PLSCR4: variants seen among roughly 807,000 people sequenced by gnomAD.
PLSCR4 encodes Ca(2+)-dependent phospholipid scramblase 4.
PLSCR4 carries 25 observed loss-of-function variants against 36.3 expected under a neutral mutation model. The ratio of observed to expected loss-of-function variants is 0.69; its 90% CI spans 0.50 to 0.96. The LOEUF is 0.96. Ranked by LOEUF, PLSCR4 falls within the 40% of genes least tolerant of loss-of-function variation. PLSCR4 has a pLI of 0.00. For missense variants in PLSCR4, 408 were observed against 414.7 expected (o/e 0.98, Z 0.14); for synonymous variants, 122 against 132.9 (o/e 0.92, Z 0.56).
At chr3:146,227,886 T>C (rs1441439567) in intron 1 of PLSCR4, among the ~76,000 whole-genome samples, 1 of 152,264 alleles carries the variant, frequency 6.6e-6, no homozygotes, top group African/African-American at 2.4e-5. Context: ...TTGTGTTTAT[T>C]ATGTAACTGA....
chr3:146,196,451 G>T, intron 7 of PLSCR4, 181 bp downstream of exon 7: 2 of 571,086 alleles, frequency 3.5e-6, no homozygotes, highest in Non-Finnish European at 3.1e-6. Context: ...CTTTCATTTT[G>T]GAAAACCTCA....
chr3:146,202,668 T>C (rs1417552010), intron 4 of PLSCR4, among the ~76,000 whole-genome samples: 1 of 152,058 alleles, frequency 6.6e-6, no homozygotes, highest in Non-Finnish European at 1.5e-5. Context: ...GATTTCCTTG[T>C]AGCACATGAT....
chr3:146,194,405 GTC>G lies in PLSCR4; in HGVS notation c.*4_*5del, dbSNP rs773300125. The G allele has an allele frequency of 6.2e-7, 1 of 1,603,364 alleles. No individual in the cohort carries two copies. The highest frequency in any genetic ancestry group is 8.5e-7 in the Non-Finnish European group (1 of 1,170,622). On this transcript the variant is annotated 3_prime_UTR_variant, in exon 9 of 9. Coordinates refer to ENST00000354952, the MANE Select transcript of PLSCR4 (RefSeq NM_020353.3). The stretch of plus-strand genomic sequence containing the variant: ...TTAACCATAGTTGATGGCTTGCTGT[GTC>G]TCTCTATCTTGAACGTTGTGGTGGA...
intron 1 of PLSCR4, among the ~76,000 whole-genome samples, chr3:146,237,037 TA>T (rs1559926171): frequency 6.6e-6 from 1 of 150,812 alleles, no homozygotes; most frequent in Middle Eastern, 3.4e-3. Flanking sequence ...CAGAATGGAT[TA>T]AAAAAAGAAA....
chr3:146,224,270 CAAT>C (rs2035328195), intron 1 of PLSCR4, among the ~76,000 whole-genome samples: 2 of 152,142 alleles, frequency 1.3e-5, no homozygotes, highest in African/African-American at 4.8e-5. Context: ...TCACATGATA[CAAT>C]AATATCCTGT....
chr3:146,195,130 GAAGC>G lies in PLSCR4; in HGVS notation c.935_938del (p.Cys312SerfsTer28). The G allele has an allele frequency of 6.2e-7, 1 of 1,613,604 alleles. No individual in the cohort carries two copies. Among genetic ancestry groups the G allele is most frequent in the South Asian group, 1.1e-5 (1 of 91,054 alleles). ...TCAAAAATAGAAGGCTTACAATGAG[GAAGC>G]AAGCTCCAAAAATCATGGCTTTCAT... On this transcript the variant is annotated frameshift_variant, in exon 8 of 9. Transcript: ENST00000354952. LOFTEE classifies it high-confidence loss of function.
At position 146,193,775 on chromosome 3, in the gene PLSCR4, T is replaced by C. The variant is rs1485367644; in HGVS notation, c.*636A>G. The C allele has an allele frequency of 6.6e-6, 1 of 152,184 alleles. No individual in the cohort carries two copies. The highest frequency in any genetic ancestry group is 1.5e-5 in the Non-Finnish European group (1 of 68,020). 9.4% of individuals were successfully genotyped at this position (152,184 alleles called of 1,614,324 possible). A position where few individuals can be genotyped will look rare whatever the true frequency, so the allele number is the denominator to read the frequency against. On this transcript the variant is annotated 3_prime_UTR_variant, in exon 9 of 9. Transcript: ENST00000354952. ...ATGCCAGTGAATGAGAAAACAAGCA[T>C]GGAATATATAAACTTTAACATTAAA... is the stretch of plus-strand genomic sequence containing the variant.
intron 4 of PLSCR4, among the ~76,000 whole-genome samples, chr3:146,203,080 T>A (rs1035342828): frequency 6.6e-6 from 1 of 152,056 alleles, no homozygotes; most frequent in Non-Finnish European, 1.5e-5. Context: ...CCTCTTCCCA[T>A]GAATCATGAA....
At chr3:146,217,922 A>T (rs2034966065) in intron 3 of PLSCR4, among the ~76,000 whole-genome samples, 1 of 152,146 alleles carries the variant, frequency 6.6e-6, no homozygotes, top group South Asian at 2.1e-4. Context: ...TATTAACAAG[A>T]TCACTTAGAA....
At chr3:146,212,771 A>G (rs2034690077) in intron 3 of PLSCR4, among the ~76,000 whole-genome samples, 1 of 152,204 alleles carries the variant, frequency 6.6e-6, no homozygotes, top group Non-Finnish European at 1.5e-5. Flanking sequence ...GTGGCAAGAA[A>G]GATACCCTGT....
chr3:146,208,450 A>G (rs545321927), intron 3 of PLSCR4, among the ~76,000 whole-genome samples: 1 of 152,200 alleles, frequency 6.6e-6, no homozygotes, highest in Non-Finnish European at 1.5e-5. Context: ...TAAACTAAAG[A>G]GCTTTTGCAC....
chr3:146,238,084 A>T (rs2035992754), intron 1 of PLSCR4, among the ~76,000 whole-genome samples: 1 of 152,010 alleles, frequency 6.6e-6, no homozygotes, highest in East Asian at 1.9e-4. Flanking sequence ...AATTAGATAC[A>T]GTAGATGAAA....
At position 146,196,852 on chromosome 3, in the gene PLSCR4, A is replaced by G. The variant is rs1209930449; in HGVS notation, c.625-59T>C. ...TACATGCATACACATACACTTACAC[A>G]TACGCACATACACAATCTAGATGTG... is the stretch of plus-strand genomic sequence containing the variant. On this transcript the variant is annotated intron_variant, in intron 6 of 8. Coordinates refer to ENST00000354952, the MANE Select transcript of PLSCR4 (RefSeq NM_020353.3). 8.5e-6 allele frequency: 12 copies of G among 1,413,874 alleles called. No homozygotes were observed. In the South Asian group the frequency reaches 1.1e-4, roughly 13 times the overall value. 87.6% of individuals were successfully genotyped at this position (1,413,874 alleles called of 1,614,324 possible). A position where few individuals can be genotyped will look rare whatever the true frequency, so the allele number is the denominator to read the frequency against.
chr3:146,221,990 C>T (rs1199056670), intron 2 of PLSCR4, 75 bp downstream of exon 2: 1 of 779,090 alleles, frequency 1.3e-6, no homozygotes, highest in Non-Finnish European at 1.9e-6. Flanking sequence ...GAAATAAAGT[C>T]CCCCTTTAGG....
intron 1 of PLSCR4, among the ~76,000 whole-genome samples, chr3:146,222,761 G>C (rs2035229984): frequency 6.6e-6 from 1 of 152,162 alleles, no homozygotes. Context: ...GATTCAGTCG[G>C]TGGAGTGATC....
chr3:146,231,435 A>G (rs1360608080), intron 1 of PLSCR4, among the ~76,000 whole-genome samples: 6 of 152,240 alleles, frequency 3.9e-5, no homozygotes, highest in Admixed American at 3.3e-4. Context: ...AGAATCTCCA[A>G]ACTGCTTTCC....
rs184436809 is a variant in PLSCR4, at chr3:146,241,437, T to A, written c.-22+9523A>T. On this transcript the variant is annotated intron_variant, in intron 1 of 8. Coordinates refer to ENST00000354952, the MANE Select transcript of PLSCR4 (RefSeq NM_020353.3). ...AAATTACCAGAGATAAGAAGGGCTA[T>A]CACTTAAAAGTAAGAGACAATTTCT... Among the ~76,000 whole-genome samples the A allele has an allele frequency of 2.0e-5, 3 of 152,274 alleles. No homozygotes were observed. In the East Asian group the frequency reaches 5.8e-4, roughly 29 times the overall value.
At chr3:146,232,651 T>C (rs773814527) in intron 1 of PLSCR4, among the ~76,000 whole-genome samples, 4 of 152,198 alleles carry the variant, frequency 2.6e-5, no homozygotes, top group Non-Finnish European at 4.4e-5. Flanking sequence ...TGGCCATTAC[T>C]GGTGTATAGA....
intron 1 of PLSCR4, among the ~76,000 whole-genome samples, chr3:146,238,652 G>A (rs745695918): frequency 4.6e-5 from 7 of 152,060 alleles, no homozygotes; most frequent in South Asian, 4.1e-4. Context: ...TCTTGATCTC[G>A]TAAGAAACTT....
Sources: gnomAD v4.1 joint callset for allele counts (sites outside exome capture counted in the v4.1 genomes callset) on GRCh38, gnomAD v4.1.1 for gene constraint, MANE v1.5 for transcripts, NCBI Gene and HGNC (gene_info 2026-07-23, HGNC 2026-07-21) for gene names.